The following MPO variants were observed in gnomAD, a reference collection of about 807,000 sequenced individuals.
The protein encoded by MPO is myeloperoxidase.
A neutral mutation model predicts 69.4 loss-of-function variants in MPO; 57 were observed. That is an observed-to-expected ratio of 0.82 (90% CI 0.66 to 1.02). The LOEUF (loss-of-function observed/expected upper bound fraction) is 1.02. Among genes scored for constraint, MPO ranks in the 50% least tolerant of loss-of-function variants. The pLI is 0.00. For synonymous variants in MPO, 426 were observed against 417.1 expected (o/e 1.02, Z -0.26); for missense variants, 971 against 1,014.1 (o/e 0.96, Z 0.58).
chr17:58,271,220 C>T (rs922867980), intron 11 of MPO, among the ~76,000 whole-genome samples: 1 of 152,104 alleles, frequency 6.6e-6, no homozygotes. Context: ...TATAATTCGC[C>T]CACCCAGAGA....
rs1170352265 is a variant in MPO, at chr17:58,279,216, T to C, written c.679-2A>G. ...GATCTCGTTGGAGACCGCGCGAGCC[T>C]GCGGGACACGGAGATCAGCTGGCGC... On this transcript the variant is annotated splice_acceptor_variant, in intron 5 of 11. Transcript: ENST00000225275. LOFTEE classifies it high-confidence loss of function. 6.3e-7 allele frequency: 1 copy of C among 1,599,272 alleles called. No homozygotes were observed. Among genetic ancestry groups the C allele is most frequent in the African/African-American group, 1.3e-5 (1 of 74,818 alleles).
rs935344002 is a variant in MPO, at chr17:58,270,881, A to G, written c.2031-18T>C. 11 of 1,612,176 alleles carry G rather than the reference A, an allele frequency of 6.8e-6. No homozygotes were observed. In the Admixed American group the frequency reaches 1.7e-4, roughly 24 times the overall value. On this transcript the variant is annotated intron_variant, in intron 11 of 11. Transcript: ENST00000225275. The surrounding 1 kb of genome is among the most constrained non-coding windows in gnomAD (Gnocchi z 4.1). ...ACCAAAACCTGCATGGGGAACACCC[A>G]TGGACACTGTGCCCAAGGATATTCT...
chr17:58,278,745 G>C, intron 6 of MPO: 1 of 580,076 alleles, frequency 1.7e-6, no homozygotes, highest in South Asian at 2.0e-5. Flanking sequence ...CAGGACTCCT[G>C]TCAGCCAAGG....
chr17:58,280,031 G>A lies in MPO; in HGVS notation c.249-17C>T, dbSNP rs1466788299. On this transcript the variant is annotated splice_polypyrimidine_tract_variant and intron_variant, in intron 2 of 11. Transcript: ENST00000225275. ...TGCTTGATGCTGCTTGGAGAAAGGA[G>A]GAGTGAGGGCCAGAGAAGGGATACA... 6.2e-7 allele frequency: 1 copy of A among 1,611,550 alleles called. No homozygotes were observed. Among genetic ancestry groups the A allele is most frequent in the East Asian group, 2.2e-5 (1 of 44,872 alleles).
rs543517054 is a variant in MPO at position 58,276,299 on chromosome 17, C to T, written c.1205-597G>A. Among the ~76,000 whole-genome samples, 9 of 152,354 alleles carry T rather than the reference C, an allele frequency of 5.9e-5. No individual in the cohort carries two copies. In the South Asian group the frequency reaches 1.4e-3, roughly 25 times the overall value. ...CTCCAGAAAGCCACTACCATTTGAA[C>T]AGAGTTGTCAGCCCTGCCCTTTACT... On this transcript the variant is annotated intron_variant, in intron 7 of 11. Coordinates refer to ENST00000225275, the MANE Select transcript of MPO (RefSeq NM_000250.2).
Position 58,278,035 on chromosome 17 carries a change from CG to C in MPO, c.995del (p.Ala332GlyfsTer102). ...TGCTGGCGTCCACGAAGGAAGTGAGCGCGTTGATCTGGTTGCGGATGGTGAT... is the reference window on the plus strand; with the variant it reads ...TGCTGGCGTCCACGAAGGAAGTGAGCCGTTGATCTGGTTGCGGATGGTGAT... ...SNITIRNQIN[A>X]LTSFVDASMV... On this transcript the variant is annotated frameshift_variant, in exon 7 of 12. Coordinates refer to ENST00000225275, the MANE Select transcript of MPO (RefSeq NM_000250.2). LOFTEE classifies it high-confidence loss of function. The C allele has an allele frequency of 6.2e-7, 1 of 1,613,674 alleles. No individual in the cohort carries two copies. The highest frequency in any genetic ancestry group is 8.5e-7 in the Non-Finnish European group (1 of 1,180,020).
chr17:58,273,806 G>A, intron 8 of MPO, 137 bp from the exon 9 acceptor site: 2 of 1,201,284 alleles, frequency 1.7e-6, no homozygotes, highest in Non-Finnish European at 1.2e-6. Context: ...TCAGGGAATA[G>A]CCTCCCACAA....
intron 8 of MPO, among the ~76,000 whole-genome samples, chr17:58,274,926 G>A (rs1478411390): frequency 2.6e-5 from 4 of 151,896 alleles, no homozygotes; most frequent in Admixed American, 6.6e-5. Flanking sequence ...GTGCAGCAGC[G>A]CCATCTCAGC....
At chr17:58,278,911 G>T in intron 6 of MPO, 97 bp downstream of exon 6, 1 of 1,400,512 alleles carries the variant, frequency 7.1e-7, no homozygotes, top group Non-Finnish European at 9.8e-7. Flanking sequence ...CTTCCTCAGC[G>T]TCTGGGAAAG....
Position 58,270,584 on chromosome 17 carries a change from C to A in MPO, c.*72G>T, listed in dbSNP as rs369638284. 1.9e-3 allele frequency: 2,401 copies of A among 1,285,370 alleles called. 34 individuals are homozygous for A. In the South Asian group the frequency reaches 0.023, roughly 12 times the overall value. 79.6% of individuals were successfully genotyped at this position (1,285,370 alleles called of 1,614,324 possible). ...AGAACAGGGCTGGGCTCATCTAGGG[C>A]AAGGAGATCTCCGTGGTTCCAACTG... On this transcript the variant is annotated 3_prime_UTR_variant, in exon 12 of 12. Transcript: ENST00000225275. The surrounding 1 kb of genome is among the most constrained non-coding windows in gnomAD (Gnocchi z 4.1).
At chr17:58,279,795 G>C in intron 3 of MPO, 44 bp downstream of exon 3, 4 of 1,613,478 alleles carry the variant, frequency 2.5e-6, no homozygotes, top group Non-Finnish European at 3.4e-6. Context: ...CCTAGGAGGA[G>C]TCACTAGTGG....
rs1970354864 is a variant in MPO, at chr17:58,270,675, GAAGCC to G, written c.2214_2218del (p.Ala739LeufsTer10). The stretch of plus-strand genomic sequence containing the variant: ...TGGCCTCTAGGAGGCTTCCCTCCAG[GAAGCC>G]AGGTTCAATGCAGGAAGTGTACTGC... On this transcript the variant is annotated frameshift_variant, in exon 12 of 12. Coordinates refer to ENST00000225275, the MANE Select transcript of MPO (RefSeq NM_000250.2). LOFTEE classifies it high-confidence loss of function. This position sits in a 1 kb window ranked among gnomAD's most constrained non-coding sequence, Gnocchi z 4.1. The G allele has an allele frequency of 6.2e-7, 1 of 1,612,876 alleles. No homozygotes were observed. Among genetic ancestry groups the G allele is most frequent in the Non-Finnish European group, 8.5e-7 (1 of 1,179,502 alleles).
At position 58,277,842 on chromosome 17, in the gene MPO, G is replaced by A. The variant is rs750147451; in HGVS notation, c.1189C>T (p.Pro397Ser). The change falls in exon 7 of 12, where the codon CCC becomes TCC. Residue 397 changes from proline (P) to serine (S), a missense_variant. By Grantham distance (74) the Pro-to-Ser change is moderately conservative. Coordinates refer to ENST00000225275, the MANE Select transcript of MPO (RefSeq NM_000250.2). ...CAAAGCTGACCTGCCAGGAAGCAGGGGATGCGCGCTGAGCGGTTGGTGAGG... is the reference window on the plus strand; with the variant it reads ...CAAAGCTGACCTGCCAGGAAGCAGGAGATGCGCGCTGAGCGGTTGGTGAGG... ...CLLTNRSARIPCFLAGDTRSS... is the reference protein window; with the variant it reads ...CLLTNRSARISCFLAGDTRSS... 5.6e-6 allele frequency: 9 copies of A among 1,604,410 alleles called. No individual in the cohort carries two copies. The South Asian group carries it at 8.8e-5, about 16-fold the overall frequency.
At chr17:58,274,564 A>G (rs940389061) in intron 8 of MPO, among the ~76,000 whole-genome samples, 1 of 152,086 alleles carries the variant, frequency 6.6e-6, no homozygotes, top group Non-Finnish European at 1.5e-5. Flanking sequence ...TCGTGCCTGT[A>G]ATCCCAGGGA....
intron 11 of MPO, 58 bp downstream of exon 11, chr17:58,271,597 G>T: frequency 6.4e-7 from 1 of 1,554,110 alleles, no homozygotes; most frequent in Non-Finnish European, 8.9e-7. Flanking sequence ...TGGGCTCCAA[G>T]AGAGTCAAGG....
chr17:58,278,235 G>C (rs1970464257), intron 6 of MPO, 90 bp from the exon 7 acceptor site: 12 of 1,472,746 alleles, frequency 8.1e-6, no homozygotes, highest in Admixed American at 5.4e-5. Flanking sequence ...CAGGACCTCT[G>C]GTACCCTCAA....
Position 58,279,024 on chromosome 17 carries a change from G to A in MPO, c.869C>T (p.Pro290Leu), listed in dbSNP as rs1567829287. ...CAGGGCCACCTTGAGCGGGAAGCAG[G>A]GCGGCTGCTGAACGCAGCTGGTCTC... is the stretch of plus-strand genomic sequence containing the variant. ...NCETSCVQQP[P>L]CFPLKIPPND... The change falls in exon 6 of 12, where the codon CCC becomes CTC. Residue 290 changes from proline (P) to leucine (L), a missense_variant. Physicochemically the swap from Pro to Leu is moderately conservative, Grantham distance 98. Transcript: ENST00000225275. 1 of 1,610,542 alleles carries A rather than the reference G, an allele frequency of 6.2e-7. No homozygotes were observed. Among genetic ancestry groups the A allele is most frequent in the South Asian group, 1.1e-5 (1 of 90,654 alleles).
chr17:58,274,318 A>C, intron 8 of MPO: 1 of 445,256 alleles, frequency 2.2e-6, no homozygotes, highest in South Asian at 1.6e-5. Flanking sequence ...CACCCTTAGC[A>C]CCGAAAACTC....
chr17:58,277,314 A>G (rs1970451093), intron 7 of MPO, among the ~76,000 whole-genome samples: 1 of 152,194 alleles, frequency 6.6e-6, no homozygotes, highest in African/African-American at 2.4e-5. Flanking sequence ...GTGCCACCCA[A>G]TAGGGGGAGC....
Sources: gnomAD v4.1 joint callset for allele counts (sites outside exome capture counted in the v4.1 genomes callset) on GRCh38, gnomAD v4.1.1 for gene constraint, Gnocchi (gnomAD v3.1) non-coding constraint, MANE v1.5 for transcripts, NCBI Gene and HGNC (gene_info 2026-07-23, HGNC 2026-07-21) for gene names.